CCDC7: variants seen among roughly 807,000 people sequenced by gnomAD.
CCDC7 encodes coiled-coil domain containing 7, also known as coiled-coil domain-containing protein 7.
In CCDC7, 183 loss-of-function variants were observed where a neutral mutation model predicts 196.9. The ratio of observed to expected loss-of-function variants is 0.93; its 90% CI spans 0.82 to 1.05. The LOEUF is 1.05. CCDC7 is among the 50% of genes least tolerant of loss of function. CCDC7 has a pLI of 0.00. For missense variants in CCDC7, 1,540 were observed against 1,482.2 expected (o/e 1.04, Z -0.64); for synonymous variants, 525 against 484.6 (o/e 1.08, Z -1.10).
At chr10:32,541,557 A>T (rs1426820005) in intron 11 of CCDC7, among the ~76,000 whole-genome samples, 1 of 152,230 alleles carries the variant, frequency 6.6e-6, no homozygotes, top group Non-Finnish European at 1.5e-5. Flanking sequence ...GTTCGGCCCA[A>T]AGTGGGCCTG....
intron 33 of CCDC7, among the ~76,000 whole-genome samples, chr10:32,836,816 A>T (rs1027714170): frequency 6.6e-6 from 1 of 152,144 alleles, no homozygotes; most frequent in Non-Finnish European, 1.5e-5. Flanking sequence ...CAAAGCAGTT[A>T]TTATAAATAG....
At chr10:32,634,105 A>C (rs2065267740) in intron 18 of CCDC7, 149 bp from the exon 20 acceptor site, 2 of 376,298 alleles carry the variant, frequency 5.3e-6, no homozygotes, top group Non-Finnish European at 9.4e-6. Context: ...CACAATTTTC[A>C]TGTGAGATCT....
At chr10:32,816,841 A>T (rs566709522) in intron 31 of CCDC7, among the ~76,000 whole-genome samples, 1 of 152,326 alleles carries the variant, frequency 6.6e-6, no homozygotes, top group South Asian at 2.1e-4. Flanking sequence ...TCTATGCATC[A>T]CCATCATCAA....
chr10:32,788,647 G>A (rs117410541), intron 29 of CCDC7, among the ~76,000 whole-genome samples: 2,041 of 152,172 alleles, frequency 0.013, 26 homozygotes, highest in Non-Finnish European at 0.022. Flanking sequence ...CTAGTGCCAG[G>A]TCAGCACCAA....
intron 21 of CCDC7, among the ~76,000 whole-genome samples, chr10:32,667,468 G>A (rs1033563841): frequency 2.6e-5 from 4 of 152,112 alleles, no homozygotes; most frequent in African/African-American, 7.2e-5. Flanking sequence ...GAATGGTATC[G>A]CCTAGATTTT....
At chr10:32,559,205 C>G (rs1441838403) in intron 13 of CCDC7, among the ~76,000 whole-genome samples, 3 of 152,352 alleles carry the variant, frequency 2.0e-5, no homozygotes, top group Non-Finnish European at 4.4e-5. Context: ...TCAAGGAGGC[C>G]TGCCTGCCTG....
intron 29 of CCDC7, among the ~76,000 whole-genome samples, chr10:32,800,769 A>T (rs981690515): frequency 1.3e-5 from 2 of 152,206 alleles, no homozygotes; most frequent in African/African-American, 4.8e-5. Flanking sequence ...TACAAACTGT[A>T]AACTGGTTCA....
intron 21 of CCDC7, among the ~76,000 whole-genome samples, chr10:32,672,391 C>A (rs541895868): frequency 6.6e-6 from 1 of 152,144 alleles, no homozygotes; most frequent in African/African-American, 2.4e-5. Context: ...GCTGTGACAA[C>A]GATTCCCAAT....
intron 18 of CCDC7, among the ~76,000 whole-genome samples, chr10:32,620,506 AT>A (rs374259839): frequency 1.4e-4 from 21 of 145,010 alleles, no homozygotes; most frequent in African/African-American, 4.1e-4. Context: ...CTCACATTGG[AT>A]TTTTTTTTTG....
intron 24 of CCDC7, among the ~76,000 whole-genome samples, chr10:32,699,623 C>T (rs1335211084): frequency 1.3e-5 from 2 of 149,148 alleles, no homozygotes; most frequent in Admixed American, 6.6e-5. Flanking sequence ...CCTGAGGAAT[C>T]GCCACACAGA....
intron 24 of CCDC7, among the ~76,000 whole-genome samples, chr10:32,697,888 C>T (rs931211310): frequency 4.6e-5 from 7 of 152,186 alleles, no homozygotes; most frequent in Non-Finnish European, 1.0e-4. Flanking sequence ...GGGTCCCTGA[C>T]CCCCCAGTAG....
chr10:32,878,747 A>G (rs1029057821), downstream of CCDC7, among the ~76,000 whole-genome samples: 1 of 152,170 alleles, frequency 6.6e-6, no homozygotes, highest in Non-Finnish European at 1.5e-5. Flanking sequence ...GCTGGAGATC[A>G]TATGAATGCT....
intron 25 of CCDC7, 121 bp from the exon 27 acceptor site, chr10:32,726,613 T>C (rs1439569249): frequency 3.9e-6 from 2 of 513,860 alleles, no homozygotes; most frequent in East Asian, 3.5e-5. Flanking sequence ...TATAATTTTA[T>C]AAAAATGAGA....
At chr10:32,755,331 C>T (rs547226267) in intron 28 of CCDC7, among the ~76,000 whole-genome samples, 2 of 152,288 alleles carry the variant, frequency 1.3e-5, no homozygotes, top group South Asian at 4.1e-4. Context: ...AAGTGGGTCC[C>T]TGATACTCAA....
chr10:32,445,583 C>T (rs894397972), upstream of CCDC7, among the ~76,000 whole-genome samples: 10 of 152,252 alleles, frequency 6.6e-5, no homozygotes, highest in Middle Eastern at 6.8e-3. Context: ...TAATATATTT[C>T]TTGAGGTCAA....
chr10:32,511,261 C>CGGGGGG (rs371884255), intron 9 of CCDC7: 39 of 383,156 alleles, frequency 1.0e-4, no homozygotes, highest in African/African-American at 5.5e-4. Flanking sequence ...CTGTGGGGGG[C>CGGGGGG]GGGGGGGGCG....
intron 18 of CCDC7, among the ~76,000 whole-genome samples, chr10:32,629,640 G>T (rs1158273071): frequency 6.6e-6 from 1 of 152,112 alleles, no homozygotes; most frequent in Non-Finnish European, 1.5e-5. Flanking sequence ...TTTGGGTCTG[G>T]AGTTGCCTTT....
intron 13 of CCDC7, among the ~76,000 whole-genome samples, chr10:32,555,923 C>T (rs1323286022): frequency 6.6e-6 from 1 of 152,162 alleles, no homozygotes. Context: ...TCTTTCTAGT[C>T]TCTTATCTTC....
intron 41 of CCDC7, among the ~76,000 whole-genome samples, chr10:32,860,937 C>T (rs186725480): frequency 3.5e-3 from 540 of 152,114 alleles, no homozygotes; most frequent in Non-Finnish European, 6.0e-3. Context: ...AAAAACATTC[C>T]ATGGTCATGG....
Sources: gnomAD v4.1 joint callset for allele counts (sites outside exome capture counted in the v4.1 genomes callset) on GRCh38, gnomAD v4.1.1 for gene constraint, MANE v1.5 for transcripts, NCBI Gene and HGNC (gene_info 2026-07-23, HGNC 2026-07-21) for gene names.